KICS2: variants seen among roughly 807,000 people sequenced by gnomAD.
KICS2 encodes the protein KICSTOR complex protein C12orf66.
In KICS2, 13 loss-of-function variants were observed where a neutral mutation model predicts 31.4. That is an observed-to-expected ratio of 0.41 (90% CI 0.27 to 0.66). KICS2 has a LOEUF of 0.66. KICS2 is among the 30% of genes least tolerant of loss of function. KICS2 has a pLI of 0.28. For synonymous variants in KICS2, 209 were observed against 214.8 expected (o/e 0.97, Z 0.24); for missense variants, 455 against 545.4 (o/e 0.83, Z 1.65).
At chr12:64,215,557 C>G in intron 2 of KICS2, 121 bp downstream of exon 2, 1 of 909,814 alleles carries the variant, frequency 1.1e-6, no homozygotes, top group Non-Finnish European at 1.6e-6. Context: ...AAATGTAATC[C>G]AGTTATTTAT....
rs1428229630 is a variant in KICS2 at position 64,221,871 on chromosome 12, G to A, written c.235+132C>T. ...CAGGGAAGGAAAGGAACGGTGGGAG[G>A]AGATCTGGGAATGCCGAGTCGAGCC... On this transcript the variant is annotated intron_variant, in intron 1 of 2. Transcript: ENST00000398055. 9 of 998,152 alleles carry A rather than the reference G, an allele frequency of 9.0e-6. No individual in the cohort carries two copies. The East Asian group carries it at 2.4e-4, about 26-fold the overall frequency. The allele number at this position is 998,152 out of a possible 1,614,324, so 61.8% of individuals were successfully genotyped here. A position where few individuals can be genotyped will look rare whatever the true frequency, so the allele number is the denominator to read the frequency against.
intron 2 of KICS2, among the ~76,000 whole-genome samples, chr12:64,205,618 G>A: frequency 7.0e-6 from 1 of 142,092 alleles, no homozygotes; most frequent in African/African-American, 2.5e-5. Context: ...AAAAGGGAAG[G>A]AAGGAAGGAA....
rs187788335 is a variant in KICS2 at position 64,211,405 on chromosome 12, C to T, written c.521+4273G>A. 5.2e-3 allele frequency among the ~76,000 whole-genome samples: 797 copies of T among 152,252 alleles called. 13 individuals carry two copies. Among genetic ancestry groups the T allele is most frequent in the African/African-American group, 0.018 (764 of 41,536 alleles). ...CTGAGGTGGGGGGATCATTTGAGGT[C>T]AGGAGTTCAAGACCAGCCTGACCAA... is the stretch of plus-strand genomic sequence containing the variant. On this transcript the variant is annotated intron_variant, in intron 2 of 2. Transcript: ENST00000398055.
At chr12:64,210,701 C>T (rs2037574967) in intron 2 of KICS2, among the ~76,000 whole-genome samples, 1 of 152,164 alleles carries the variant, frequency 6.6e-6, no homozygotes, top group Admixed American at 6.5e-5. Flanking sequence ...CACTTCAGCC[C>T]AGGCAGTTGA....
At chr12:64,191,073 C>A (rs963982626), downstream of KICS2, 2 of 152,194 alleles carry the variant, frequency 1.3e-5, no homozygotes, top group Admixed American at 1.3e-4. Flanking sequence ...AAGCAGTCTG[C>A]AGAAAATACG....
intron 1 of KICS2, among the ~76,000 whole-genome samples, chr12:64,219,229 C>T (rs1313381475): frequency 6.6e-6 from 1 of 152,122 alleles, no homozygotes; most frequent in African/African-American, 2.4e-5. Flanking sequence ...CAAGTTAAGT[C>T]ATTTTCTACT....
In KICS2 at chr12:64,193,566, A is replaced by G; in HGVS notation, c.*276T>C. 4.2e-6 allele frequency: 5 copies of G among 1,178,220 alleles called. No individual in the cohort carries two copies. The highest frequency in any genetic ancestry group is 5.2e-6 in the Non-Finnish European group (5 of 953,346). 73.0% of individuals were successfully genotyped at this position (1,178,220 alleles called of 1,614,324 possible). On this transcript the variant is annotated 3_prime_UTR_variant, in exon 3 of 3. Coordinates refer to ENST00000398055, the MANE Select transcript of KICS2 (RefSeq NM_152440.5). ...AAAAAGCCCAATAAATATTCAATCTACAAGAAATATAGCAAAATAGGGGAA... is the reference window on the plus strand; with the variant it reads ...AAAAAGCCCAATAAATATTCAATCTGCAAGAAATATAGCAAAATAGGGGAA...
chr12:64,194,731 A>C, intron 2 of KICS2, 73 bp from the exon 3 acceptor site: 1 of 1,484,840 alleles, frequency 6.7e-7, no homozygotes, highest in Non-Finnish European at 8.9e-7. Context: ...TTCTAACCAC[A>C]AAGCAACAAA....
Position 64,222,247 on chromosome 12 carries a change from G to A in KICS2, c.-10C>T, listed in dbSNP as rs776319378. On this transcript the variant is annotated 5_prime_UTR_variant, in exon 1 of 3. Transcript: ENST00000398055. Reference sequence around the variant, plus strand: ...GGATAGACTCCCCCATGCGAGCTGCGCCCCAGCTCGACCCACGTGGCTCTC... The same window carrying A: ...GGATAGACTCCCCCATGCGAGCTGCACCCCAGCTCGACCCACGTGGCTCTC... 3.1e-6 allele frequency: 5 copies of A among 1,612,534 alleles called. No individual in the cohort carries two copies. Among genetic ancestry groups the A allele is most frequent in the Admixed American group, 1.7e-5 (1 of 59,852 alleles).
chr12:64,219,151 C>A (rs544704254), intron 1 of KICS2, among the ~76,000 whole-genome samples: 1 of 152,170 alleles, frequency 6.6e-6, no homozygotes, highest in Non-Finnish European at 1.5e-5. Flanking sequence ...ATTGAAGGAA[C>A]GTGTAAAACA....
In KICS2 at chr12:64,192,984, G is replaced by A. The variant is rs1165656470; in HGVS notation, c.*858C>T. On this transcript the variant is annotated 3_prime_UTR_variant, in exon 3 of 3. Transcript: ENST00000398055. ...AGTATCTAAAAGTGGCTGAAAAACC[G>A]ACTGCATGCTTTTAAGCCTAAAAAT... 4.1e-6 allele frequency: 4 copies of A among 985,276 alleles called. No homozygotes were observed. Among genetic ancestry groups the A allele is most frequent in the South Asian group, 4.7e-5 (1 of 21,286 alleles). The allele number at this position is 985,276 out of a possible 1,614,324, so 61.0% of individuals were successfully genotyped here.
chr12:64,189,742 TGGACTTTG>T (rs2037365260), downstream of KICS2, among the ~76,000 whole-genome samples: 1 of 151,818 alleles, frequency 6.6e-6, no homozygotes, highest in African/African-American at 2.4e-5. Flanking sequence ...CTGGGCAAAA[TGGACTTTG>T]GAGTAAGCAG....
At chr12:64,209,378 G>GTGAC (rs1177438272) in intron 2 of KICS2, among the ~76,000 whole-genome samples, 2 of 151,958 alleles carry the variant, frequency 1.3e-5, no homozygotes, top group African/African-American at 4.8e-5. Flanking sequence ...TGAGGTCAGG[G>GTGAC]GTTCAAGACC....
Position 64,206,147 on chromosome 12 carries a change from T to G in KICS2, c.521+9531A>C, listed in dbSNP as rs571990214. Among the ~76,000 whole-genome samples the G allele has an allele frequency of 1.2e-4, 18 of 152,298 alleles. No individual in the cohort carries two copies. In the East Asian group the frequency reaches 3.3e-3, roughly 28 times the overall value. ...GTTTCCCAGGGTGGTCTTGAATGCC[T>G]AGCCTCAAGCAATCCTCTTGCTTTA... On this transcript the variant is annotated intron_variant, in intron 2 of 2. Coordinates refer to ENST00000398055, the MANE Select transcript of KICS2 (RefSeq NM_152440.5).
In KICS2 at chr12:64,194,123, G is replaced by A; in HGVS notation, c.1057C>T (p.Pro353Ser). The A allele has an allele frequency of 6.2e-7, 1 of 1,614,128 alleles. No individual in the cohort carries two copies. The highest frequency in any genetic ancestry group is 8.5e-7 in the Non-Finnish European group (1 of 1,180,026). The part of the protein sequence containing the change: ...VDQYPAVVSL[P>S]SDRPVMHWPN... ...CAGTGCATGACTGGCCTGTCGCTGG[G>A]CAGAGACACTACAGCTGGATACTGG... is the stretch of plus-strand genomic sequence containing the variant. The change falls in exon 3 of 3, where the codon CCC becomes TCC. Residue 353 changes from proline (P) to serine (S), a missense_variant. Coordinates refer to ENST00000398055, the MANE Select transcript of KICS2 (RefSeq NM_152440.5).
rs770115670 is a variant in KICS2, at chr12:64,222,248, C to G, written c.-11G>C. ...GATAGACTCCCCCATGCGAGCTGCGCCCCAGCTCGACCCACGTGGCTCTCC... is the reference window on the plus strand; with the variant it reads ...GATAGACTCCCCCATGCGAGCTGCGGCCCAGCTCGACCCACGTGGCTCTCC... On this transcript the variant is annotated 5_prime_UTR_variant, in exon 1 of 3. Transcript: ENST00000398055. 1.9e-6 allele frequency: 3 copies of G among 1,612,606 alleles called. No individual in the cohort carries two copies. In the Admixed American group the frequency reaches 5.0e-5, roughly 27 times the overall value.
chr12:64,192,951 G>T lies in KICS2; in HGVS notation c.*891C>A. On this transcript the variant is annotated 3_prime_UTR_variant, in exon 3 of 3. Coordinates refer to ENST00000398055, the MANE Select transcript of KICS2 (RefSeq NM_152440.5). ...TTTTGATTTTATAAAAGTAGGCTAT[G>T]TTGCATGAGTATCTAAAAGTGGCTG... 3.0e-6 allele frequency: 3 copies of T among 985,434 alleles called. No individual in the cohort carries two copies. The highest frequency in any genetic ancestry group is 3.6e-6 in the Non-Finnish European group (3 of 829,932). 61.0% of individuals were successfully genotyped at this position (985,434 alleles called of 1,614,324 possible).
chr12:64,204,708 G>C (rs1304990493), intron 2 of KICS2: 3 of 152,052 alleles, frequency 2.0e-5, no homozygotes, highest in African/African-American at 7.3e-5. Context: ...GCTTGACCCT[G>C]GGAGGTTGAG....
chr12:64,196,881 G>A lies in KICS2; in HGVS notation c.522-2223C>T, dbSNP rs1263772906. Among the ~76,000 whole-genome samples, 275 of 150,400 alleles carry A rather than the reference G, an allele frequency of 1.8e-3. 1 individual carries two copies. Among genetic ancestry groups the A allele is most frequent in the Non-Finnish European group, 1.5e-3 (103 of 67,814 alleles). ...GAAGATGAAATGAATGAAATGAAGC[G>A]AGAAGGGAAGTTTAGAGAAAAACGA... On this transcript the variant is annotated intron_variant, in intron 2 of 2. Coordinates refer to ENST00000398055, the MANE Select transcript of KICS2 (RefSeq NM_152440.5).
Sources: gnomAD v4.1 joint callset for allele counts (sites outside exome capture counted in the v4.1 genomes callset) on GRCh38, gnomAD v4.1.1 for gene constraint, MANE v1.5 for transcripts, NCBI Gene and HGNC (gene_info 2026-07-23, HGNC 2026-07-21) for gene names.